DSCAML1: variants seen among roughly 807,000 people sequenced by gnomAD.
The protein encoded by DSCAML1 is cell adhesion molecule DSCAML1.
DSCAML1 carries 38 observed loss-of-function variants against 200.5 expected under a neutral mutation model. That is an observed-to-expected ratio of 0.19 (90% CI 0.15 to 0.25). The LOEUF is 0.25. Among genes scored for constraint, DSCAML1 ranks in the 10% least tolerant of loss-of-function variants. The pLI, the probability that DSCAML1 is intolerant of heterozygous loss-of-function variation, is 1.00. For synonymous variants in DSCAML1, 1,215 were observed against 1,165.0 expected (o/e 1.04, Z -0.87); for missense variants, 2,223 against 2,858.8 (o/e 0.78, Z 5.07).
intron 3 of DSCAML1, among the ~76,000 whole-genome samples, chr11:117,661,507 G>A (rs562392466): frequency 1.0e-3 from 159 of 152,292 alleles, no homozygotes; most frequent in African/African-American, 3.8e-3. Flanking sequence ...CATTTGCAAG[G>A]TCGTAACTAG....
At position 117,439,395 on chromosome 11, in the gene DSCAML1, G is replaced by A. The variant is rs926351071; in HGVS notation, c.4015C>T (p.His1339Tyr). Reference sequence around the variant, plus strand: ...GTGCCATTGGTGTGGATGAGCCGGTGCCCATCCATGGACACTGGAATGGCC... The same window carrying A: ...GTGCCATTGGTGTGGATGAGCCGGTACCCATCCATGGACACTGGAATGGCC... ...DSAIPVSMDG[H>Y]RLIHTNGTLL... Residue 1339 changes from histidine (H) to tyrosine (Y), a missense_variant, in exon 23 of 33, where the codon CAC becomes TAC. Transcript: ENST00000651296. 1.2e-6 allele frequency: 2 copies of A among 1,613,560 alleles called. No individual in the cohort carries two copies. Among genetic ancestry groups the A allele is most frequent in the African/African-American group, 1.3e-5 (1 of 74,924 alleles).
intron 17 of DSCAML1, 35 bp downstream of exon 17, chr11:117,464,907 A>T: frequency 1.2e-6 from 2 of 1,604,702 alleles, no homozygotes; most frequent in Non-Finnish European, 8.5e-7. Context: ...CCATGGCAGG[A>T]ATCTGTGCCC....
intron 1 of DSCAML1, among the ~76,000 whole-genome samples, chr11:117,816,474 C>T (rs1340292855): frequency 6.6e-6 from 1 of 152,240 alleles, no homozygotes; most frequent in Non-Finnish European, 1.5e-5. Flanking sequence ...CACAGATTAC[C>T]CGCCCCAGAG....
At position 117,780,741 on chromosome 11, in the gene DSCAML1, C is replaced by G. The variant is rs1453891032; in HGVS notation, c.116G>C (p.Ser39Thr). 1.9e-6 allele frequency: 3 copies of G among 1,551,026 alleles called. No homozygotes were observed. Among genetic ancestry groups the G allele is most frequent in the Non-Finnish European group, 2.6e-6 (3 of 1,149,740 alleles). ...GCAGGGCACCACCACCCCCACGGAG[C>G]TGGAAAAGGTCACCTGCTGCAAGGA... Reference protein sequence around the residue: ...NDSLQQVTFSSSVGVVVPCPA... With the variant: ...NDSLQQVTFSTSVGVVVPCPA... The change falls in exon 2 of 33, where the codon AGC becomes ACC. Residue 39 changes from serine (S) to threonine (T), a missense_variant. Physicochemically the swap from Ser to Thr is moderately conservative, Grantham distance 58. Coordinates refer to ENST00000651296, the MANE Select transcript of DSCAML1 (RefSeq NM_020693.4). The surrounding 1 kb of genome is among the most constrained non-coding windows in gnomAD (Gnocchi z 4.8).
chr11:117,524,856 C>A lies in DSCAML1; in HGVS notation c.886G>T (p.Val296Phe), dbSNP rs777504626. The A allele has an allele frequency of 1.2e-6, 2 of 1,601,858 alleles. No individual in the cohort carries two copies. Among genetic ancestry groups the A allele is most frequent in the Admixed American group, 1.7e-5 (1 of 58,552 alleles). Reference sequence around the variant, plus strand: ...TCTGCCGAACCGAAGGTGTTGGTGACCTCACAAATGTAGGTGCCGCTGTCC... The same window carrying A: ...TCTGCCGAACCGAAGGTGTTGGTGAACTCACAAATGTAGGTGCCGCTGTCC... ...TEDSGTYICE[V>F]TNTFGSAEAT... Residue 296 changes from valine (V) to phenylalanine (F), a missense_variant, in exon 5 of 33, where the codon GTC becomes TTC. Around this residue, in one of 7 missense-constraint regions of DSCAML1, gnomAD observed 579 missense variants for 721.5 expected, o/e 0.80. Coordinates refer to ENST00000651296, the MANE Select transcript of DSCAML1 (RefSeq NM_020693.4).
chr11:117,514,770 C>T lies in DSCAML1; in HGVS notation c.1783+1697G>A, dbSNP rs142668757. 6.6e-3 allele frequency among the ~76,000 whole-genome samples: 1,001 copies of T among 152,200 alleles called. 11 individuals are homozygous for T. Among genetic ancestry groups the T allele is most frequent in the African/African-American group, 0.022 (903 of 41,524 alleles). ...GCTAATTTTGTATTTTTACTAGAGACAGGGTTTCTCCACATTGGTCAGGCT... is the reference window on the plus strand; with the variant it reads ...GCTAATTTTGTATTTTTACTAGAGATAGGGTTTCTCCACATTGGTCAGGCT... On this transcript the variant is annotated intron_variant, in intron 8 of 32. Coordinates refer to ENST00000651296, the MANE Select transcript of DSCAML1 (RefSeq NM_020693.4).
At chr11:117,746,204 A>G (rs1170312133) in intron 3 of DSCAML1, among the ~76,000 whole-genome samples, 1 of 129,066 alleles carries the variant, frequency 7.7e-6, no homozygotes, top group Non-Finnish European at 1.6e-5. Context: ...CCTGGGCATC[A>G]GAGCGAGACT....
At chr11:117,431,181 G>T (rs1432062884) in intron 31 of DSCAML1, 148 bp from the exon 32 acceptor site, 4 of 771,758 alleles carry the variant, frequency 5.2e-6, no homozygotes, top group Non-Finnish European at 8.2e-6. Context: ...GAAGGTGGCA[G>T]TGGTGGCAGA....
Position 117,431,544 on chromosome 11 carries a change from G to A in DSCAML1, c.5364C>T (p.Ser1788=). ...TESDSYSASL[S]QDTDKGRNSM... is the part of the protein sequence containing the mutation. ...GGGCCTTAGGCACACCTGTGTCCTG[G>A]GACAGGCTGGCACTGTAGCTGTCAC... is the stretch of plus-strand genomic sequence containing the variant. Residue 1788 remains serine (S), a synonymous_variant, in exon 31 of 33, where the codon TCC becomes TCT. Transcript: ENST00000651296. 1 of 1,580,216 alleles carries A rather than the reference G, an allele frequency of 6.3e-7. No homozygotes were observed. Among genetic ancestry groups the A allele is most frequent in the Non-Finnish European group, 8.6e-7 (1 of 1,161,194 alleles).
chr11:117,808,177 C>T (rs750082702), intron 1 of DSCAML1, among the ~76,000 whole-genome samples: 12 of 152,162 alleles, frequency 7.9e-5, no homozygotes, highest in Non-Finnish European at 1.6e-4. Context: ...CATCAATATC[C>T]GCATGTTACA....
At chr11:117,769,472 A>ATATATATAATATATATTT (rs2054989789) in intron 3 of DSCAML1, among the ~76,000 whole-genome samples, 2 of 72,850 alleles carry the variant, frequency 2.7e-5, no homozygotes, top group Non-Finnish European at 4.8e-5. Flanking sequence ...TATATATTTT[A>ATATATATAATATATATTT]TATATATAAT....
intron 3 of DSCAML1, among the ~76,000 whole-genome samples, chr11:117,674,597 A>G (rs2053174283): frequency 6.6e-6 from 1 of 152,102 alleles, no homozygotes; most frequent in African/African-American, 2.4e-5. Flanking sequence ...AAGGTACCCC[A>G]CCCAGATATC....
chr11:117,687,150 G>A (rs1302682857), intron 3 of DSCAML1, among the ~76,000 whole-genome samples: 1 of 152,166 alleles, frequency 6.6e-6, no homozygotes, highest in Non-Finnish European at 1.5e-5. Context: ...AGAAAAGGAG[G>A]AGAGGCCAGA....
chr11:117,510,176 C>T (rs60511093), intron 8 of DSCAML1, among the ~76,000 whole-genome samples: 3,542 of 152,312 alleles, frequency 0.023, 146 homozygotes, highest in African/African-American at 0.079. Flanking sequence ...TTAATGGTGT[C>T]TCTCATCATC....
intron 14 of DSCAML1, among the ~76,000 whole-genome samples, chr11:117,479,623 A>T (rs1022626430): frequency 2.2e-4 from 34 of 151,132 alleles, no homozygotes; most frequent in African/African-American, 7.8e-4. Flanking sequence ...GCCAGTTGGC[A>T]CCTGAGAGGA....
chr11:117,615,173 T>G (rs2051786275), intron 3 of DSCAML1, among the ~76,000 whole-genome samples: 1 of 152,126 alleles, frequency 6.6e-6, no homozygotes, highest in Non-Finnish European at 1.5e-5. Flanking sequence ...ATCTGGAGAA[T>G]GAAGATAATA....
At chr11:117,810,255 CTCAA>C (rs1284426552) in intron 1 of DSCAML1, among the ~76,000 whole-genome samples, 38 of 151,960 alleles carry the variant, frequency 2.5e-4, no homozygotes, top group Middle Eastern at 3.4e-3. Context: ...ACTCCGTGGA[CTCAA>C]AACTCCAGCG....
intron 3 of DSCAML1, among the ~76,000 whole-genome samples, chr11:117,551,009 C>A (rs963145194): frequency 2.0e-5 from 3 of 152,222 alleles, no homozygotes; most frequent in East Asian, 3.8e-4. Context: ...TTTTCTCTGT[C>A]CTCAGCCATG....
chr11:117,506,169 T>C (rs1054171558), intron 8 of DSCAML1, among the ~76,000 whole-genome samples: 3 of 152,100 alleles, frequency 2.0e-5, no homozygotes, highest in African/African-American at 7.2e-5. Flanking sequence ...GCTGGGACTG[T>C]CCCCCATGCA....
Sources: allele counts gnomAD v4.1 joint callset (sites outside exome capture counted in the v4.1 genomes callset), GRCh38; gene constraint gnomAD v4.1.1; regional missense constraint gnomAD v4.1.1; non-coding constraint Gnocchi (gnomAD v3.1); transcripts MANE v1.5; gene names NCBI Gene and HGNC (gene_info 2026-07-23, HGNC 2026-07-21).